Variants in CNTN1 observed in about 807,000 individuals in gnomAD.
CNTN1 encodes the protein contactin 1, also known as contactin-1.
A neutral mutation model predicts 126.4 loss-of-function variants in CNTN1; 38 were observed. The ratio of observed to expected loss-of-function variants is 0.30; its 90% CI spans 0.23 to 0.39. CNTN1 has a LOEUF of 0.39. Ranked by LOEUF, CNTN1 falls within the 10% of genes least tolerant of loss-of-function variation. CNTN1 has a pLI of 1.00. For missense variants in CNTN1, 1,009 were observed against 1,248.4 expected (o/e 0.81, Z 2.89); for synonymous variants, 413 against 422.6 (o/e 0.98, Z 0.28).
At position 40,720,017 on chromosome 12, in the gene CNTN1, T is replaced by G. The variant is rs1942154444; in HGVS notation, c.-77+27425T>G. Among the ~76,000 whole-genome samples, 4 of 150,118 alleles carry G rather than the reference T, an allele frequency of 2.7e-5. 1 individual carries two copies. The South Asian group carries it at 8.5e-4, about 32-fold the overall frequency. ...ACGCCCGGTTAATTTTTTTTTTTTTTTTTTTTTGTATTTTTAGTAGAGATG... is the reference window on the plus strand; with the variant it reads ...ACGCCCGGTTAATTTTTTTTTTTTTGTTTTTTTGTATTTTTAGTAGAGATG... On this transcript the variant is annotated intron_variant, in intron 1 of 23. Coordinates refer to ENST00000551295, the MANE Select transcript of CNTN1 (RefSeq NM_001843.4).
At chr12:41,065,490 G>A (rs1167298304) in intron 23 of CNTN1, among the ~76,000 whole-genome samples, 4 of 152,242 alleles carry the variant, frequency 2.6e-5, no homozygotes, top group African/African-American at 9.6e-5. Flanking sequence ...ACACACCAGA[G>A]CAATCATGGA....
intron 1 of CNTN1, among the ~76,000 whole-genome samples, chr12:40,737,295 G>GTGTT (rs1937730133): frequency 6.8e-6 from 1 of 147,662 alleles, no homozygotes; most frequent in Non-Finnish European, 1.5e-5. Context: ...ATGTGTGTGT[G>GTGTT]TGTGTGTGTG....
intron 1 of CNTN1, among the ~76,000 whole-genome samples, chr12:40,782,521 T>A (rs1939843579): frequency 6.6e-6 from 1 of 151,944 alleles, no homozygotes; most frequent in Non-Finnish European, 1.5e-5. Flanking sequence ...TCATAATTAC[T>A]GATTTGTAGA....
intron 1 of CNTN1, among the ~76,000 whole-genome samples, chr12:40,723,454 G>T (rs539296514): frequency 6.6e-6 from 1 of 152,310 alleles, no homozygotes; most frequent in South Asian, 2.1e-4. Context: ...TTTTTCCAGA[G>T]AGTGGAGGAA....
At chr12:40,824,559 T>C (rs2136534244) in intron 1 of CNTN1, among the ~76,000 whole-genome samples, 1 of 152,266 alleles carries the variant, frequency 6.6e-6, no homozygotes, top group East Asian at 1.9e-4. Context: ...AAAAACTGTA[T>C]TGTTAACAAT....
intron 1 of CNTN1, among the ~76,000 whole-genome samples, chr12:40,749,832 G>C (rs1018720762): frequency 1.1e-4 from 17 of 151,984 alleles, no homozygotes; most frequent in African/African-American, 3.4e-4. Flanking sequence ...AGCGGTGTGA[G>C]GGGGAGAGCC....
At chr12:40,877,107 C>A (rs1943693208) in intron 1 of CNTN1, among the ~76,000 whole-genome samples, 1 of 152,070 alleles carries the variant, frequency 6.6e-6, no homozygotes. Flanking sequence ...AACAAGTTGG[C>A]ATATTTTCCC....
intron 1 of CNTN1, among the ~76,000 whole-genome samples, chr12:40,789,077 A>G (rs1940132148): frequency 6.6e-6 from 1 of 152,156 alleles, no homozygotes. Flanking sequence ...TTGCAGTTAC[A>G]TATTAATTGC....
intron 14 of CNTN1, among the ~76,000 whole-genome samples, chr12:40,958,523 T>A (rs749576122): frequency 6.6e-6 from 1 of 152,062 alleles, no homozygotes; most frequent in Non-Finnish European, 1.5e-5. Flanking sequence ...CAAAAATATG[T>A]GTTGAACACT....
At chr12:40,774,107 A>G (rs1246206492) in intron 1 of CNTN1, among the ~76,000 whole-genome samples, 1 of 151,632 alleles carries the variant, frequency 6.6e-6, no homozygotes, top group African/African-American at 2.4e-5. Context: ...AAAACATGTA[A>G]TTCCAAACAA....
At chr12:41,036,446 A>G (rs1949266843) in intron 23 of CNTN1, among the ~76,000 whole-genome samples, 1 of 152,208 alleles carries the variant, frequency 6.6e-6, no homozygotes. Flanking sequence ...TGGACTTTTT[A>G]GGAAACATGA....
intron 10 of CNTN1, 51 bp from the exon 11 acceptor site, chr12:40,937,519 G>T: frequency 8.4e-7 from 1 of 1,190,176 alleles, no homozygotes; most frequent in South Asian, 1.2e-5. Flanking sequence ...CTAAGTGAAA[G>T]TATTTCTATT....
At chr12:41,043,680 C>T (rs1949473968) in intron 23 of CNTN1, among the ~76,000 whole-genome samples, 1 of 152,026 alleles carries the variant, frequency 6.6e-6, no homozygotes, top group Non-Finnish European at 1.5e-5. Flanking sequence ...AATCATGCTG[C>T]TATAAAGACA....
intron 17 of CNTN1, among the ~76,000 whole-genome samples, chr12:40,999,697 CTTTT>C (rs398019220): frequency 2.3e-5 from 2 of 86,664 alleles, no homozygotes; most frequent in Admixed American, 3.1e-4. Context: ...TTCTTCTGTG[CTTTT>C]TTTTTTTTTT....
At chr12:40,886,931 C>T (rs1944055741) in intron 1 of CNTN1, among the ~76,000 whole-genome samples, 1 of 152,130 alleles carries the variant, frequency 6.6e-6, no homozygotes, top group Non-Finnish European at 1.5e-5. Context: ...ATCTATATCT[C>T]TGTTTTGGTA....
intron 7 of CNTN1, among the ~76,000 whole-genome samples, chr12:40,931,112 A>G (rs1453576864): frequency 6.6e-6 from 1 of 151,886 alleles, no homozygotes; most frequent in Non-Finnish European, 1.5e-5. Context: ...AAACTTCACT[A>G]CAACACTTAT....
At chr12:40,752,397 C>T (rs1183879253) in intron 1 of CNTN1, among the ~76,000 whole-genome samples, 1 of 152,024 alleles carries the variant, frequency 6.6e-6, no homozygotes, top group African/African-American at 2.4e-5. Context: ...TCCTTATATG[C>T]TCTAGAAAAC....
At chr12:40,739,299 T>C (rs946555778) in intron 1 of CNTN1, among the ~76,000 whole-genome samples, 6 of 152,080 alleles carry the variant, frequency 3.9e-5, no homozygotes, top group African/African-American at 1.4e-4. Context: ...CAGCATTTAG[T>C]TTAAAAAGCT....
intron 1 of CNTN1, among the ~76,000 whole-genome samples, chr12:40,904,065 C>T (rs967279036): frequency 6.6e-6 from 1 of 152,216 alleles, no homozygotes; most frequent in Non-Finnish European, 1.5e-5. Context: ...GTCGCCTAGG[C>T]TGGAGTGCAG....
Sources: allele counts gnomAD v4.1 joint callset (sites outside exome capture counted in the v4.1 genomes callset), GRCh38; gene constraint gnomAD v4.1.1; transcripts MANE v1.5; gene names NCBI Gene and HGNC (gene_info 2026-07-23, HGNC 2026-07-21).